Variants in IL1RAPL2 observed in about 807,000 individuals in gnomAD.
IL1RAPL2 encodes interleukin 1 receptor accessory protein like 2.
A neutral mutation model predicts 44.1 loss-of-function variants in IL1RAPL2; 3 were observed. The ratio of observed to expected loss-of-function variants is 0.07; its 90% CI spans 0.03 to 0.18. The LOEUF (loss-of-function observed/expected upper bound fraction) is 0.18. IL1RAPL2 is among the 10% of genes least tolerant of loss of function. The pLI is 1.00. For missense variants in IL1RAPL2, 391 were observed against 496.4 expected, an observed-to-expected ratio of 0.79 and a Z score of 2.02; for synonymous variants, 181 against 178.8, an observed-to-expected ratio of 1.01 and a Z score of -0.10.
chrX:105,648,482 A>T (rs1314010212), intron 6 of IL1RAPL2, among the ~76,000 whole-genome samples: 3 of 111,676 alleles, frequency 2.7e-5, no homozygotes, highest in African/African-American at 3.3e-5. Context: ...TTCTAGATGC[A>T]ACTTAATAAT....
At chrX:105,533,556 T>A (rs1285200076) in intron 6 of IL1RAPL2, among the ~76,000 whole-genome samples, 1 of 112,098 alleles carries the variant, frequency 8.9e-6, no homozygotes, top group East Asian at 2.8e-4. Flanking sequence ...TATTCAACTA[T>A]AGCATCAACA....
At chrX:105,051,304 G>A (rs892141129) in intron 2 of IL1RAPL2, among the ~76,000 whole-genome samples, 1 of 60 alleles carries the variant, frequency 0.017, no homozygotes, top group South Asian at 0.5. Flanking sequence ...GGTCATGTCT[G>A]CCCCTGAGGT....
chrX:104,725,345 C>T (rs888462865), intron 2 of IL1RAPL2, among the ~76,000 whole-genome samples: 4 of 111,677 alleles, frequency 3.6e-5, no homozygotes, highest in African/African-American at 9.8e-5. Context: ...AATAACCATA[C>T]GTGTACATGT....
intron 2 of IL1RAPL2, among the ~76,000 whole-genome samples, chrX:104,932,305 A>T (rs1294481698): frequency 9.1e-6 from 1 of 110,483 alleles, no homozygotes; most frequent in East Asian, 2.8e-4. Flanking sequence ...GGCCACTATG[A>T]GTATATATTA....
chrX:105,481,959 T>C (rs759368058), intron 5 of IL1RAPL2, among the ~76,000 whole-genome samples: 8 of 112,170 alleles, frequency 7.1e-5, no homozygotes, highest in Non-Finnish European at 1.3e-4. Context: ...CAGTTGCACA[T>C]GTATCCATCT....
intron 2 of IL1RAPL2, among the ~76,000 whole-genome samples, chrX:104,925,202 T>C (rs1040085270): frequency 1.6e-5 from 1 of 63,396 alleles, no homozygotes; most frequent in Non-Finnish European, 3.1e-5. Context: ...GAATCAGTAA[T>C]AAAATGTCTC....
At chrX:104,892,455 A>G (rs977744039) in intron 2 of IL1RAPL2, among the ~76,000 whole-genome samples, 1 of 110,301 alleles carries the variant, frequency 9.1e-6, no homozygotes, top group Non-Finnish European at 1.9e-5. Context: ...GTCTATTATT[A>G]CCTCAATTTC....
chrX:105,482,153 A>G (rs2036237063), intron 5 of IL1RAPL2, among the ~76,000 whole-genome samples: 1 of 112,296 alleles, frequency 8.9e-6, no homozygotes, highest in African/African-American at 3.2e-5. Context: ...ATAATATGTC[A>G]TTATATGAAA....
intron 1 of IL1RAPL2, among the ~76,000 whole-genome samples, chrX:104,585,261 A>AT (rs1928495316): frequency 3.4e-5 from 1 of 29,344 alleles, no homozygotes; most frequent in Non-Finnish European, 4.9e-5. Flanking sequence ...TATAATATAT[A>AT]TATAATATAT....
intron 2 of IL1RAPL2, among the ~76,000 whole-genome samples, chrX:104,747,536 G>A (rs1278797686): frequency 9.0e-6 from 1 of 111,261 alleles, no homozygotes; most frequent in Non-Finnish European, 1.9e-5. Flanking sequence ...AAAAGAATAT[G>A]GTTCGAGGAG....
chrX:105,464,551 G>T (rs934387268), intron 5 of IL1RAPL2, among the ~76,000 whole-genome samples: 1 of 111,227 alleles, frequency 9.0e-6, no homozygotes, highest in Non-Finnish European at 1.9e-5. Flanking sequence ...AATATTAAAC[G>T]TTGAAATAAA....
At chrX:105,573,828 T>C (rs1239272344) in intron 6 of IL1RAPL2, among the ~76,000 whole-genome samples, 4 of 111,886 alleles carry the variant, frequency 3.6e-5, no homozygotes, top group Non-Finnish European at 7.5e-5. Flanking sequence ...GGCAAGGATA[T>C]AGACTTGAAA....
At position 105,580,248 on chromosome X, in the gene IL1RAPL2, C is replaced by A. The variant is rs771043417; in HGVS notation, c.772+95861C>A. 9.9e-5 allele frequency among the ~76,000 whole-genome samples: 11 copies of A among 111,189 alleles called. No homozygotes were observed. The South Asian group carries it at 4.2e-3, about 43-fold the overall frequency. ...TGGAAAAGAGATTTTAAATGGGCAG[C>A]CTCCGTTATATATAAAGAAATAGAC... On this transcript the variant is annotated intron_variant, in intron 6 of 10. Coordinates refer to ENST00000372582, the MANE Select transcript of IL1RAPL2 (RefSeq NM_017416.2).
chrX:105,014,140 T>C (rs1457396257), intron 2 of IL1RAPL2, among the ~76,000 whole-genome samples: 1 of 111,816 alleles, frequency 8.9e-6, no homozygotes, highest in Non-Finnish European at 1.9e-5. Flanking sequence ...CCCTTGATGT[T>C]ATAAAAATAT....
At chrX:104,940,732 T>C (rs942908561) in intron 2 of IL1RAPL2, among the ~76,000 whole-genome samples, 3 of 110,699 alleles carry the variant, frequency 2.7e-5, no homozygotes, top group African/African-American at 9.9e-5. Context: ...TTTTATTTTA[T>C]TTTATTTTAT....
intron 5 of IL1RAPL2, among the ~76,000 whole-genome samples, chrX:105,293,980 G>T (rs1386347538): frequency 8.9e-6 from 1 of 112,393 alleles, no homozygotes; most frequent in Non-Finnish European, 1.9e-5. Context: ...AACAATAGAT[G>T]ATAATGTAAT....
At chrX:105,054,150 AAT>A (rs2031963155) in intron 2 of IL1RAPL2, among the ~76,000 whole-genome samples, 1 of 111,196 alleles carries the variant, frequency 9.0e-6, no homozygotes, top group Non-Finnish European at 1.9e-5. Flanking sequence ...ATGGCACACT[AAT>A]ACACACACAC....
chrX:105,765,277 C>T (rs1260860160), intron 10 of IL1RAPL2: 1 of 112,064 alleles, frequency 8.9e-6, no homozygotes, highest in Non-Finnish European at 1.9e-5. Flanking sequence ...GCTGTTGATA[C>T]ATTGGGAAAA....
chrX:104,649,623 A>G (rs1334599043), intron 1 of IL1RAPL2, among the ~76,000 whole-genome samples: 1 of 111,874 alleles, frequency 8.9e-6, no homozygotes, highest in African/African-American at 3.2e-5. Flanking sequence ...TTATACATAT[A>G]TATACATATA....
Sources: allele counts gnomAD v4.1 joint callset (sites outside exome capture counted in the v4.1 genomes callset), GRCh38; gene constraint gnomAD v4.1.1; transcripts MANE v1.5; gene names NCBI Gene and HGNC (gene_info 2026-07-23, HGNC 2026-07-21).